Variants in PRMT8 observed in about 807,000 individuals in gnomAD.
PRMT8 encodes the protein protein arginine N-methyltransferase 8.
PRMT8 carries 7 observed loss-of-function variants against 47.1 expected under a neutral mutation model. That is an observed-to-expected ratio of 0.15 (90% CI 0.08 to 0.28). The LOEUF (loss-of-function observed/expected upper bound fraction) is 0.28. Among genes scored for constraint, PRMT8 ranks in the 10% least tolerant of loss-of-function variants. The probability of loss-of-function intolerance (pLI) is 1.00; values close to 1 mark genes in which losing one functional copy is unlikely to be tolerated. For missense variants in PRMT8, 237 were observed against 505.4 expected, an observed-to-expected ratio of 0.47 and a Z score of 5.09; for synonymous variants, 188 against 186.5, an observed-to-expected ratio of 1.01 and a Z score of -0.07.
At chr12:3,428,501 A>G (rs1864631986) in intron 1 of PRMT8, among the ~76,000 whole-genome samples, 1 of 152,172 alleles carries the variant, frequency 6.6e-6, no homozygotes, top group South Asian at 2.1e-4. Context: ...ACAGGTTGTC[A>G]ACGGCCTCAG....
chr12:3,388,087 C>T (rs1451461217), intron 1 of PRMT8, among the ~76,000 whole-genome samples: 1 of 128,530 alleles, frequency 7.8e-6, no homozygotes, highest in Non-Finnish European at 1.6e-5. Context: ...CTGTCTTTCT[C>T]CCCTTTTTCT....
At chr12:3,474,004 G>T (rs1392296630) in intron 1 of PRMT8, among the ~76,000 whole-genome samples, 1 of 152,076 alleles carries the variant, frequency 6.6e-6, no homozygotes, top group Non-Finnish European at 1.5e-5. Context: ...TAACACAATG[G>T]CCACTCAACT....
In PRMT8 at chr12:3,514,003, G is replaced by A. The variant is rs1051843611; in HGVS notation, c.75+22303G>A. ...ATCTTGGAATCCTTCTTGAGCCCCC[G>A]GATACTGAAGGATCAGGCAGATCCG... is the stretch of plus-strand genomic sequence containing the variant. On this transcript the variant is annotated intron_variant, in intron 1 of 9. Coordinates refer to ENST00000382622, the MANE Select transcript of PRMT8 (RefSeq NM_019854.5). The surrounding 1 kb of genome is among the most constrained non-coding windows in gnomAD (Gnocchi z 5.9). Among the ~76,000 whole-genome samples the A allele has an allele frequency of 4.6e-5, 7 of 152,242 alleles. No homozygotes were observed. Among genetic ancestry groups the A allele is most frequent in the South Asian group, 2.1e-4 (1 of 4,820 alleles).
At chr12:3,389,564 C>G (rs1359867013) in intron 1 of PRMT8, among the ~76,000 whole-genome samples, 1 of 152,094 alleles carries the variant, frequency 6.6e-6, no homozygotes, top group Non-Finnish European at 1.5e-5. Flanking sequence ...GGGTATGAAG[C>G]AAAAAGAAAC....
intron 2 of PRMT8, among the ~76,000 whole-genome samples, chr12:3,545,464 C>T (rs1262671814): frequency 6.6e-6 from 1 of 152,224 alleles, no homozygotes; most frequent in Non-Finnish European, 1.5e-5. Context: ...TCCAACCAAA[C>T]CCCCACCTTA....
chr12:3,433,028 A>G (rs1170972934), intron 1 of PRMT8, among the ~76,000 whole-genome samples: 2 of 152,196 alleles, frequency 1.3e-5, no homozygotes, highest in African/African-American at 4.8e-5. Context: ...AGGAAATGCC[A>G]TACTGCTCTC....
upstream of PRMT8, among the ~76,000 whole-genome samples, chr12:3,490,675 A>G (rs949627710): frequency 1.5e-4 from 18 of 121,156 alleles, no homozygotes; most frequent in African/African-American, 1.2e-4. Flanking sequence ...TTTGGGTACA[A>G]AGAGAGAGAG....
At chr12:3,462,226 T>G (rs146630541) in intron 1 of PRMT8, among the ~76,000 whole-genome samples, 1 of 152,162 alleles carries the variant, frequency 6.6e-6, no homozygotes, top group East Asian at 1.9e-4. Flanking sequence ...CATGCTCTCA[T>G]TCCTTTTTAT....
At chr12:3,454,152 C>T (rs1864949786) in intron 1 of PRMT8, among the ~76,000 whole-genome samples, 1 of 152,104 alleles carries the variant, frequency 6.6e-6, no homozygotes, top group African/African-American at 2.4e-5. Flanking sequence ...CCTGCTGTCT[C>T]TTCACTCTCC....
intron 3 of PRMT8, 120 bp from the exon 4 acceptor site, chr12:3,553,531 T>A: frequency 1.2e-6 from 1 of 839,606 alleles, no homozygotes; most frequent in Non-Finnish European, 2.0e-6. Flanking sequence ...AAAGTTGTGA[T>A]GCAGCCGTGG....
intron 1 of PRMT8, among the ~76,000 whole-genome samples, chr12:3,412,603 T>C (rs1432035988): frequency 1.3e-5 from 2 of 152,226 alleles, no homozygotes; most frequent in Non-Finnish European, 2.9e-5. Flanking sequence ...AACCTTTTTC[T>C]ATTTAAAAAT....
intron 1 of PRMT8, among the ~76,000 whole-genome samples, chr12:3,455,267 C>T (rs1023552609): frequency 6.6e-6 from 1 of 152,212 alleles, no homozygotes; most frequent in African/African-American, 2.4e-5. Context: ...TCCTATAACA[C>T]CAGTCCCTCA....
chr12:3,415,282 C>T (rs190503103), intron 1 of PRMT8, among the ~76,000 whole-genome samples: 25 of 152,264 alleles, frequency 1.6e-4, no homozygotes, highest in Admixed American at 5.9e-4. Flanking sequence ...CAGGTGCCTC[C>T]ACTTGTTAAG....
intron 1 of PRMT8, among the ~76,000 whole-genome samples, chr12:3,414,529 G>A (rs978004771): frequency 1.3e-5 from 2 of 152,176 alleles, no homozygotes; most frequent in Non-Finnish European, 2.9e-5. Flanking sequence ...TGAATGGAAT[G>A]ATGGGACTGG....
At chr12:3,556,859 AGGGGTGGTCTTTGCCTTGCACAGGTGGT>A (rs1259885746) in intron 4 of PRMT8, among the ~76,000 whole-genome samples, 46 of 151,436 alleles carry the variant, frequency 3.0e-4, no homozygotes, top group Non-Finnish European at 2.7e-4. Context: ...GCACAGGTGG[AGGGGTGGTCTTTGCCTTGCACAGGTGGT>A]GGGGTGGTCT....
chr12:3,466,457 C>A (rs550347283), intron 1 of PRMT8, among the ~76,000 whole-genome samples: 2 of 152,164 alleles, frequency 1.3e-5, no homozygotes, highest in African/African-American at 4.8e-5. Flanking sequence ...CTGGGCAAGT[C>A]AGTTAACCTC....
chr12:3,393,120 G>A (rs1053592061), intron 1 of PRMT8, among the ~76,000 whole-genome samples: 3 of 152,106 alleles, frequency 2.0e-5, no homozygotes, highest in African/African-American at 7.2e-5. Context: ...TTAGCCATTT[G>A]TCAGATGAAT....
intron 4 of PRMT8, among the ~76,000 whole-genome samples, chr12:3,559,137 G>A (rs954266366): frequency 6.6e-6 from 1 of 152,186 alleles, no homozygotes; most frequent in Admixed American, 6.5e-5. Context: ...TTATGTAATA[G>A]GTTACAGCTG....
chr12:3,517,856 T>G (rs1054755516), intron 1 of PRMT8, among the ~76,000 whole-genome samples: 1 of 152,114 alleles, frequency 6.6e-6, no homozygotes, highest in African/African-American at 2.4e-5. Context: ...GTATTGCTGT[T>G]TTGTCTGGCC....
Sources: allele counts gnomAD v4.1 joint callset (sites outside exome capture counted in the v4.1 genomes callset), GRCh38; gene constraint gnomAD v4.1.1; non-coding constraint Gnocchi (gnomAD v3.1); transcripts MANE v1.5; gene names NCBI Gene and HGNC (gene_info 2026-07-23, HGNC 2026-07-21).